NEDD4: variants seen among roughly 807,000 people sequenced by gnomAD.
NEDD4 encodes the protein E3 ubiquitin-protein ligase NEDD4.
In NEDD4, 99 loss-of-function variants were observed where a neutral mutation model predicts 144.9. That is an observed-to-expected ratio of 0.68 (90% confidence interval 0.58 to 0.81). The LOEUF (loss-of-function observed/expected upper bound fraction) is 0.81. Among genes scored for constraint, NEDD4 ranks in the 30% least tolerant of loss-of-function variants. The pLI, the probability that NEDD4 is intolerant of heterozygous loss-of-function variation, is 0.00. For synonymous variants in NEDD4, 318 were observed against 350.6 expected, an observed-to-expected ratio of 0.91 and a Z score of 1.04; for missense variants, 985 against 1,065.9, an observed-to-expected ratio of 0.92 and a Z score of 1.06.
chr15:55,981,367 C>CT (rs59382910), intron 1 of NEDD4, among the ~76,000 whole-genome samples: 49,396 of 150,984 alleles, frequency 0.33, 8,130 homozygotes, highest in South Asian at 0.39. Context: ...GCCCGGCCTC[C>CT]TTTTTTTTTC....
chr15:55,982,845 G>C (rs1457671304), intron 1 of NEDD4, among the ~76,000 whole-genome samples: 2 of 152,170 alleles, frequency 1.3e-5, no homozygotes, highest in African/African-American at 4.8e-5. Context: ...TCTAGGGCTG[G>C]GGGTGGTGGC....
At chr15:55,876,491 G>A (rs1203992479) in intron 5 of NEDD4, among the ~76,000 whole-genome samples, 3 of 152,022 alleles carry the variant, frequency 2.0e-5, no homozygotes, top group Non-Finnish European at 2.9e-5. Flanking sequence ...AAGATAGGTG[G>A]AATAATCAAA....
chr15:55,970,581 GGGAGAGACTCCAATT>G (rs1370488620), intron 1 of NEDD4, among the ~76,000 whole-genome samples: 11 of 152,192 alleles, frequency 7.2e-5, no homozygotes, highest in Non-Finnish European at 1.6e-4. Context: ...GACAGAGAGA[GGGAGAGACTCCAATT>G]GGTTGGGGGA....
At chr15:55,891,138 C>A (rs1038483514) in intron 5 of NEDD4, among the ~76,000 whole-genome samples, 4 of 152,262 alleles carry the variant, frequency 2.6e-5, no homozygotes, top group African/African-American at 9.6e-5. Flanking sequence ...GTCTCAAGTA[C>A]CTACATTTTA....
intron 5 of NEDD4, among the ~76,000 whole-genome samples, chr15:55,877,520 A>G (rs1005959315): frequency 6.6e-6 from 1 of 152,146 alleles, no homozygotes; most frequent in African/African-American, 2.4e-5. Flanking sequence ...ATGTTTCTCA[A>G]TATTTTCCCC....
chr15:55,893,792 T>G (rs2035649117), intron 5 of NEDD4, among the ~76,000 whole-genome samples: 1 of 148,588 alleles, frequency 6.7e-6, no homozygotes, highest in Non-Finnish European at 1.5e-5. Flanking sequence ...ACTATATGGA[T>G]TCATACTACA....
intron 24 of NEDD4, among the ~76,000 whole-genome samples, chr15:55,834,905 A>G (rs2033124095): frequency 6.6e-6 from 1 of 152,012 alleles, no homozygotes; most frequent in African/African-American, 2.4e-5. Flanking sequence ...ACCAACACCC[A>G]TCATGGCCTC....
At chr15:55,917,001 C>A in intron 5 of NEDD4, 3 of 1,329,432 alleles carry the variant, frequency 2.3e-6, no homozygotes, top group Non-Finnish European at 9.6e-7. Flanking sequence ...TACCAGATAT[C>A]ATAGAAAGAA....
intron 25 of NEDD4, 22 bp from the exon 26 acceptor site, chr15:55,834,167 A>C: frequency 6.2e-7 from 1 of 1,609,772 alleles, no homozygotes; most frequent in Non-Finnish European, 8.5e-7. Flanking sequence ...ATGTCAAATT[A>C]TAAACAAGGA....
At chr15:55,930,561 A>C (rs1365721530) in intron 4 of NEDD4, among the ~76,000 whole-genome samples, 1 of 152,210 alleles carries the variant, frequency 6.6e-6, no homozygotes, top group Non-Finnish European at 1.5e-5. Flanking sequence ...TATTCACACA[A>C]TTTCCAGAGT....
chr15:55,906,797 T>A (rs1189727519), intron 5 of NEDD4, among the ~76,000 whole-genome samples: 2 of 152,036 alleles, frequency 1.3e-5, no homozygotes, highest in Non-Finnish European at 1.5e-5. Context: ...AATAAATAAA[T>A]AAAAAATAAA....
intron 2 of NEDD4, among the ~76,000 whole-genome samples, chr15:55,958,781 A>T (rs1172720227): frequency 2.0e-5 from 3 of 151,878 alleles, no homozygotes; most frequent in Non-Finnish European, 4.4e-5. Context: ...ACTTCACTAA[A>T]TTGTGTGTAC....
At chr15:55,869,524 G>A in intron 8 of NEDD4, 55 bp downstream of exon 8, 1 of 1,034,036 alleles carries the variant, frequency 9.7e-7, no homozygotes, top group Middle Eastern at 2.6e-4. Flanking sequence ...TCAGAGTACA[G>A]TAAAATAAGA....
intron 9 of NEDD4, among the ~76,000 whole-genome samples, chr15:55,861,005 T>C (rs1167448296): frequency 6.6e-6 from 1 of 152,240 alleles, no homozygotes; most frequent in East Asian, 1.9e-4. Flanking sequence ...ATAACATGTC[T>C]GATTTGATAT....
intron 5 of NEDD4, among the ~76,000 whole-genome samples, chr15:55,880,886 A>T (rs1444736156): frequency 6.6e-6 from 1 of 152,178 alleles, no homozygotes; most frequent in Non-Finnish European, 1.5e-5. Context: ...TATTCAAAAC[A>T]TGTTAGCTAA....
chr15:55,958,766 T>C (rs192123764), intron 2 of NEDD4, among the ~76,000 whole-genome samples: 3 of 152,172 alleles, frequency 2.0e-5, no homozygotes, highest in African/African-American at 7.2e-5. Flanking sequence ...TCAAGAATAT[T>C]ATCTACTTCA....
At chr15:55,981,144 G>A (rs150568373) in intron 1 of NEDD4, among the ~76,000 whole-genome samples, 7 of 151,640 alleles carry the variant, frequency 4.6e-5, no homozygotes, top group Admixed American at 6.6e-5. Flanking sequence ...CCAGGTTCAA[G>A]CAATTCTCCT....
chr15:55,961,813 A>G (rs1361623677), intron 2 of NEDD4, among the ~76,000 whole-genome samples: 5 of 152,188 alleles, frequency 3.3e-5, no homozygotes, highest in African/African-American at 4.8e-5. Flanking sequence ...AATACAGCCC[A>G]TGTGTGGTCT....
At chr15:55,965,112 T>C (rs1319077063) in intron 2 of NEDD4, among the ~76,000 whole-genome samples, 8 of 152,124 alleles carry the variant, frequency 5.3e-5, no homozygotes, top group African/African-American at 1.7e-4. Flanking sequence ...ATACACAGTC[T>C]TAGGAATTCT....
Sources: gnomAD v4.1 joint callset for allele counts (sites outside exome capture counted in the v4.1 genomes callset) on GRCh38, gnomAD v4.1.1 for gene constraint, MANE v1.5 for transcripts, NCBI Gene and HGNC (gene_info 2026-07-23, HGNC 2026-07-21) for gene names.